DIS3L2: variants seen among roughly 807,000 people sequenced by gnomAD.
DIS3L2 encodes DIS3-like exonuclease 2.
In DIS3L2, 34 loss-of-function variants were observed where a neutral mutation model predicts 97.5. The ratio of observed to expected loss-of-function variants is 0.35; its 90% CI spans 0.27 to 0.46. The LOEUF is 0.46. DIS3L2 is among the 20% of genes least tolerant of loss of function. DIS3L2 has a pLI of 1.00. For missense variants in DIS3L2, 1,038 were observed against 1,146.0 expected (o/e 0.91, Z 1.36); for synonymous variants, 435 against 445.2 (o/e 0.98, Z 0.29).
chr2:232,190,622 AAGAAAGAAAG>A (rs1319820986), intron 9 of DIS3L2, among the ~76,000 whole-genome samples: 2 of 152,078 alleles, frequency 1.3e-5, no homozygotes, highest in Admixed American at 6.5e-5. Flanking sequence ...GGAAGAAAGG[AAGAAAGAAAG>A]AGAAAGAAAG....
At chr2:232,249,018 C>T (rs777603224) in intron 11 of DIS3L2, among the ~76,000 whole-genome samples, 3 of 152,190 alleles carry the variant, frequency 2.0e-5, no homozygotes, top group Non-Finnish European at 2.9e-5. Context: ...TCTTCCCTTA[C>T]CAGTTCTCCT....
intron 1 of DIS3L2, among the ~76,000 whole-genome samples, chr2:231,972,126 A>G (rs1692934975): frequency 6.6e-6 from 1 of 151,846 alleles, no homozygotes; most frequent in Non-Finnish European, 1.5e-5. Context: ...CGGAGGTTGC[A>G]GTGAGCCGAG....
At chr2:231,993,126 G>A (rs1301320493) in intron 1 of DIS3L2, among the ~76,000 whole-genome samples, 1 of 152,154 alleles carries the variant, frequency 6.6e-6, no homozygotes, top group African/African-American at 2.4e-5. Context: ...AACTCAGCAC[G>A]TCCAATTCTT....
chr2:232,187,858 A>T (rs1031832883), intron 9 of DIS3L2, among the ~76,000 whole-genome samples: 1 of 152,122 alleles, frequency 6.6e-6, no homozygotes, highest in African/African-American at 2.4e-5. Context: ...CAACATAATA[A>T]GATCCTTTCT....
intron 5 of DIS3L2, among the ~76,000 whole-genome samples, chr2:232,042,429 T>C (rs1695134133): frequency 6.6e-6 from 1 of 152,140 alleles, no homozygotes; most frequent in African/African-American, 2.4e-5. Flanking sequence ...TTCTTAGAAC[T>C]GTTTGGTTTC....
chr2:232,236,179 C>T (rs193293776), intron 10 of DIS3L2, among the ~76,000 whole-genome samples: 11 of 152,072 alleles, frequency 7.2e-5, no homozygotes, highest in Non-Finnish European at 1.3e-4. Context: ...CCCCTTTTTT[C>T]AAGCATCCCA....
intron 17 of DIS3L2, 91 bp from the exon 18 acceptor site, chr2:232,334,278 C>T (rs1205962570): frequency 2.5e-5 from 36 of 1,462,090 alleles, no homozygotes; most frequent in African/African-American, 1.3e-4. Flanking sequence ...AATCTGTCGG[C>T]GGGGGTGCAG....
At chr2:232,207,096 T>C (rs1185485391) in intron 9 of DIS3L2, among the ~76,000 whole-genome samples, 4 of 152,220 alleles carry the variant, frequency 2.6e-5, no homozygotes, top group Non-Finnish European at 5.9e-5. Context: ...TGATTTTGAC[T>C]AGGGGAACAT....
At chr2:232,171,959 A>G (rs993132045) in intron 9 of DIS3L2, among the ~76,000 whole-genome samples, 1 of 152,212 alleles carries the variant, frequency 6.6e-6, no homozygotes, top group Non-Finnish European at 1.5e-5. Flanking sequence ...TTCCCTAGAA[A>G]TATTTTTATA....
intron 14 of DIS3L2, among the ~76,000 whole-genome samples, chr2:232,326,646 A>G (rs1695586243): frequency 6.8e-6 from 1 of 147,684 alleles, no homozygotes; most frequent in Admixed American, 6.7e-5. Flanking sequence ...CTGTGGTGCT[A>G]GCTCCCTCCT....
chr2:232,000,809 C>T (rs1434021686), intron 1 of DIS3L2, among the ~76,000 whole-genome samples: 3 of 143,244 alleles, frequency 2.1e-5, no homozygotes, highest in African/African-American at 7.7e-5. Context: ...TCGAGCAGTT[C>T]TCCTACCTTG....
At chr2:232,029,044 C>G (rs1043288606) in intron 4 of DIS3L2, among the ~76,000 whole-genome samples, 9 of 152,022 alleles carry the variant, frequency 5.9e-5, no homozygotes, top group African/African-American at 1.9e-4. Context: ...TAACTTTAAC[C>G]AAAATTTCAT....
At chr2:232,086,847 T>A (rs1345767234) in intron 5 of DIS3L2, among the ~76,000 whole-genome samples, 3 of 150,830 alleles carry the variant, frequency 2.0e-5, no homozygotes, top group Non-Finnish European at 3.0e-5. Flanking sequence ...TCCTGGCTAA[T>A]TTTTTTATAT....
intron 7 of DIS3L2, among the ~76,000 whole-genome samples, chr2:232,132,854 C>G (rs991085517): frequency 6.6e-5 from 10 of 152,022 alleles, no homozygotes; most frequent in Non-Finnish European, 1.3e-4. Context: ...GACTGCGACT[C>G]TCGTCTACCC....
chr2:232,056,571 G>A (rs746073625), intron 5 of DIS3L2, among the ~76,000 whole-genome samples: 9 of 152,062 alleles, frequency 5.9e-5, no homozygotes, highest in Admixed American at 2.6e-4. Flanking sequence ...AGAATTCCCT[G>A]ACATAATTGA....
intron 14 of DIS3L2, among the ~76,000 whole-genome samples, chr2:232,321,429 A>T (rs1426389969): frequency 6.6e-6 from 1 of 152,118 alleles, no homozygotes; most frequent in African/African-American, 2.4e-5. Flanking sequence ...CCCAGCTGTC[A>T]CCCAGGGGCC....
intron 14 of DIS3L2, among the ~76,000 whole-genome samples, chr2:232,326,649 T>A (rs1274833500): frequency 2.7e-5 from 4 of 147,584 alleles, no homozygotes; most frequent in African/African-American, 7.9e-5. Context: ...TGGTGCTAGC[T>A]CCCTCCTCAG....
intron 1 of DIS3L2, among the ~76,000 whole-genome samples, chr2:231,992,132 T>G (rs555317996): frequency 6.6e-6 from 1 of 152,244 alleles, no homozygotes; most frequent in Non-Finnish European, 1.5e-5. Context: ...CTATCAAAGA[T>G]TTCGTGGTCA....
intron 20 of DIS3L2, 94 bp from the exon 21 acceptor site, chr2:232,336,375 G>A (rs1420873224): frequency 2.3e-5 from 35 of 1,549,300 alleles, no homozygotes; most frequent in Non-Finnish European, 2.9e-5. Context: ...GGCCGAAGGA[G>A]GGGCCAGGGG....
Sources: allele counts gnomAD v4.1 joint callset (sites outside exome capture counted in the v4.1 genomes callset), GRCh38; gene constraint gnomAD v4.1.1; transcripts MANE v1.5; gene names NCBI Gene and HGNC (gene_info 2026-07-23, HGNC 2026-07-21).